The following TDRKH variants were observed in gnomAD, a reference collection of about 807,000 sequenced individuals.
The protein encoded by TDRKH is tudor and KH domain-containing protein.
In TDRKH, 28 loss-of-function variants were observed where a neutral mutation model predicts 61.3. The ratio of observed to expected loss-of-function variants is 0.46; its 90% CI spans 0.34 to 0.63. TDRKH has a LOEUF of 0.63. Ranked by LOEUF, TDRKH falls within the 20% of genes least tolerant of loss-of-function variation. The pLI, the probability that TDRKH is intolerant of heterozygous loss-of-function variation, is 0.01. For missense variants in TDRKH, 540 were observed against 683.4 expected (o/e 0.79, Z 2.34); for synonymous variants, 219 against 244.4 (o/e 0.90, Z 0.97).
At chr1:151,784,069 G>T (rs1650087600) in intron 1 of TDRKH, among the ~76,000 whole-genome samples, 1 of 152,266 alleles carries the variant, frequency 6.6e-6, no homozygotes, top group Non-Finnish European at 1.5e-5. Flanking sequence ...TCTCTCAACT[G>T]AGGTCCTTGC....
intron 2 of TDRKH, 37 bp downstream of exon 2, chr1:151,782,862 G>C (rs1452030511): frequency 2.6e-6 from 4 of 1,520,832 alleles, no homozygotes; most frequent in Non-Finnish European, 3.5e-6. Context: ...GAGCATGTCT[G>C]AACATTTTCA....
At chr1:151,768,751 G>A (rs991969581), downstream of TDRKH, among the ~76,000 whole-genome samples, 1 of 152,202 alleles carries the variant, frequency 6.6e-6, no homozygotes, top group African/African-American at 2.4e-5. Context: ...ATAGTGGAGG[G>A]AAGGTCAGCA....
chr1:151,783,439 G>A (rs572916322), intron 1 of TDRKH, among the ~76,000 whole-genome samples: 1 of 152,352 alleles, frequency 6.6e-6, no homozygotes, highest in African/African-American at 2.4e-5. Context: ...TGCCATTCCA[G>A]GCTTAGTAAA....
intron 2 of TDRKH, 120 bp downstream of exon 2, chr1:151,782,779 C>T: frequency 1.5e-6 from 2 of 1,364,086 alleles, no homozygotes; most frequent in East Asian, 5.5e-5. Context: ...CAAAAAAACC[C>T]CACAAAAAAC....
In TDRKH at chr1:151,776,638, A is replaced by G. The variant is rs765788271; in HGVS notation, c.884-39T>C. The G allele has an allele frequency of 2.2e-5, 35 of 1,603,198 alleles. No individual in the cohort carries two copies. The East Asian group carries it at 7.6e-4, about 35-fold the overall frequency. ...TAAGGATGGTGGCCACATCAGACCC[A>G]TCTCTGGTTGGAATGAAGAGACTAA... On this transcript the variant is annotated intron_variant, in intron 6 of 12. Coordinates refer to ENST00000368824, the MANE Select transcript of TDRKH (RefSeq NM_001083965.2).
rs189021046 is a variant in TDRKH, at chr1:151,782,972, T to C, written c.51A>G (p.Ile17Met). Residue 17 changes from isoleucine (I) to methionine (M), a missense_variant, in exon 2 of 13, where the codon ATA (isoleucine) becomes ATG (methionine). By Grantham distance (10) the Ile-to-Met change is conservative. Coordinates refer to ENST00000368824, the MANE Select transcript of TDRKH (RefSeq NM_001083965.2). Reference sequence around the variant, plus strand: ...TGGCTGGGATCCCAAGGCCCAGGGCTATTTTCTGAATGGTGGACAGGCTTG... The same window carrying C: ...TGGCTGGGATCCCAAGGCCCAGGGCCATTTTCTGAATGGTGGACAGGCTTG... ...SWTSLSTIQKIALGLGIPASA... is the reference protein window; with the variant it reads ...SWTSLSTIQKMALGLGIPASA... The C allele has an allele frequency of 3.0e-5, 49 of 1,613,894 alleles. No individual in the cohort carries two copies. The highest frequency in any genetic ancestry group is 4.0e-5 in the Non-Finnish European group (47 of 1,179,908).
chr1:151,789,346 GT>G (rs1358297658), intron 1 of TDRKH, among the ~76,000 whole-genome samples: 1 of 152,152 alleles, frequency 6.6e-6, no homozygotes, highest in African/African-American at 2.4e-5. Flanking sequence ...TCAGCTATAA[GT>G]TTCTCTTAAA....
downstream of TDRKH, chr1:151,771,863 G>C: frequency 2.5e-6 from 1 of 398,444 alleles, no homozygotes; most frequent in Non-Finnish European, 4.4e-6. Context: ...TCATTTTCCA[G>C]GGTAGGAAGT....
intron 1 of TDRKH, among the ~76,000 whole-genome samples, chr1:151,789,137 C>G (rs1650642159): frequency 6.6e-6 from 1 of 152,198 alleles, no homozygotes; most frequent in Admixed American, 6.5e-5. Context: ...CAGCCTTGAA[C>G]TCCCGCAGTC....
downstream of TDRKH, chr1:151,766,805 C>T: frequency 6.2e-7 from 1 of 1,603,460 alleles, no homozygotes; most frequent in Non-Finnish European, 8.5e-7. Flanking sequence ...TCTACCCGAT[C>T]TGGTCACCAT....
chr1:151,771,465 T>G, downstream of TDRKH: 1 of 881,092 alleles, frequency 1.1e-6, no homozygotes, highest in Non-Finnish European at 1.5e-6. Flanking sequence ...GGATTTTTGG[T>G]TCCCTTTGCC....
chr1:151,779,841 TC>T, intron 4 of TDRKH, 109 bp downstream of exon 4: 1 of 1,172,064 alleles, frequency 8.5e-7, no homozygotes, highest in South Asian at 1.7e-5. Context: ...TCCCTTTTTT[TC>T]CCCTCACATG....
At chr1:151,766,883 T>G (rs774040423), downstream of TDRKH, 19 of 1,606,966 alleles carry the variant, frequency 1.2e-5, no homozygotes, top group East Asian at 2.9e-4. Context: ...CTCGTTGTTA[T>G]AAAAGGTACT....
chr1:151,786,971 C>A (rs1650370962), intron 1 of TDRKH, among the ~76,000 whole-genome samples: 1 of 152,152 alleles, frequency 6.6e-6, no homozygotes, highest in Non-Finnish European at 1.5e-5. Flanking sequence ...TTTCCCAAGT[C>A]ATTGGATAAG....
chr1:151,774,652 G>A (rs1648974698), intron 12 of TDRKH, 58 bp downstream of exon 12: 2 of 1,600,796 alleles, frequency 1.2e-6, no homozygotes, highest in Non-Finnish European at 1.7e-6. Context: ...ACTCTGGAAA[G>A]ACTGAATGAG....
chr1:151,781,445 T>C (rs539028799), intron 3 of TDRKH, 36 bp downstream of exon 3: 1 of 1,576,136 alleles, frequency 6.3e-7, no homozygotes, highest in African/African-American at 1.4e-5. Flanking sequence ...ACAGAATCAA[T>C]CCTTGGGAAA....
Position 151,774,035 on chromosome 1 carries a change from T to A in TDRKH, c.*417A>T. ...ACAGCAGTATTCAAACACTGGAGGG[T>A]TGGGGAGGGATCCGGAGGTGGAATG... On this transcript the variant is annotated 3_prime_UTR_variant, in exon 13 of 13. Coordinates refer to ENST00000368824, the MANE Select transcript of TDRKH (RefSeq NM_001083965.2). 5.6e-6 allele frequency: 1 copy of A among 177,752 alleles called. No individual in the cohort carries two copies. Among genetic ancestry groups the A allele is most frequent in the Non-Finnish European group, 1.2e-5 (1 of 84,726 alleles). The allele number at this position is 177,752 out of a possible 1,614,324, so 11.0% of individuals were successfully genotyped here.
chr1:151,789,034 C>G (rs1449456791), intron 1 of TDRKH, among the ~76,000 whole-genome samples: 2 of 152,168 alleles, frequency 1.3e-5, no homozygotes, highest in African/African-American at 2.4e-5. Flanking sequence ...AGATGGAGAA[C>G]AGATGAATTG....
chr1:151,775,456 C>G lies in TDRKH; in HGVS notation c.1370G>C (p.Ser457Thr). ...DWKPLVAKIS[S>T]YVQTGISTWP... Reference sequence around the variant, plus strand: ...AGTTGAGATCCCAGTCTGGACATAGCTAGAGATCTTGGCTACCAGAGGCTT... The same window carrying G: ...AGTTGAGATCCCAGTCTGGACATAGGTAGAGATCTTGGCTACCAGAGGCTT... The change falls in exon 10 of 13, where the codon AGC becomes ACC. Residue 457 changes from serine (S) to threonine (T), a missense_variant. Around this residue, in one of 3 missense-constraint regions of TDRKH, gnomAD observed 379 missense variants for 443.8 expected, o/e 0.85. Coordinates refer to ENST00000368824, the MANE Select transcript of TDRKH (RefSeq NM_001083965.2). 2 of 1,614,144 alleles carry G rather than the reference C, an allele frequency of 1.2e-6. No homozygotes were observed. Among genetic ancestry groups the G allele is most frequent in the South Asian group, 2.2e-5 (2 of 91,074 alleles).
Sources: allele counts gnomAD v4.1 joint callset (sites outside exome capture counted in the v4.1 genomes callset), GRCh38; gene constraint gnomAD v4.1.1; regional missense constraint gnomAD v4.1.1; transcripts MANE v1.5; gene names NCBI Gene and HGNC (gene_info 2026-07-23, HGNC 2026-07-21).